GALNT13: variants seen among roughly 807,000 people sequenced by gnomAD.
GALNT13 encodes the protein UDP-GalNAc:polypeptide N-acetylgalactosaminyltransferase 13.
In GALNT13, 28 loss-of-function variants were observed where a neutral mutation model predicts 64.2. The observed-to-expected ratio is 0.44, with a 90% CI of 0.32 to 0.60. The LOEUF (loss-of-function observed/expected upper bound fraction) is 0.60, where lower values mean the gene tolerates loss of function less well. Ranked by LOEUF, GALNT13 falls within the 20% of genes least tolerant of loss-of-function variation. The pLI is 0.05. For missense variants in GALNT13, 577 were observed against 669.8 expected, an observed-to-expected ratio of 0.86 and a Z score of 1.53; for synonymous variants, 214 against 224.6, an observed-to-expected ratio of 0.95 and a Z score of 0.42.
At chr2:154,285,206 G>A (rs1458294407) in intron 8 of GALNT13, among the ~76,000 whole-genome samples, 1 of 152,100 alleles carries the variant, frequency 6.6e-6, no homozygotes, top group East Asian at 1.9e-4. Context: ...TGTTATGCAA[G>A]AGCTTTTTAG....
chr2:153,134,947 A>G, the GALNT13 span, among the ~76,000 whole-genome samples: 1 of 152,186 alleles, frequency 6.6e-6, no homozygotes, highest in Admixed American at 6.6e-5. Flanking sequence ...GAAAGATGAC[A>G]GAAAGAAGAG....
In GALNT13 at chr2:154,029,066, T is replaced by C. The variant is rs1479084213; in HGVS notation, c.142+84427T>C. 4.0e-5 allele frequency among the ~76,000 whole-genome samples: 6 copies of C among 151,792 alleles called. No individual in the cohort carries two copies. In the East Asian group the frequency reaches 1.2e-3, roughly 29 times the overall value. ...AGCCAGTTGTGCACTAGAAAGATAA[T>C]ATAGCAACCCTATTGACTGCAGATA... On this transcript the variant is annotated intron_variant, in intron 3 of 12. Transcript: ENST00000392825.
rs1374406573 is a variant in GALNT13 at position 154,187,890 on chromosome 2, A to C, written c.311+47385A>C. On this transcript the variant is annotated intron_variant, in intron 4 of 12. Coordinates refer to ENST00000392825, the MANE Select transcript of GALNT13 (RefSeq NM_052917.4). The stretch of plus-strand genomic sequence containing the variant: ...ACAGAAATGCAAACCCTACTAGTTC[A>C]TCAAAAATAGATATGTAATGAAGAT... Among the ~76,000 whole-genome samples the C allele has an allele frequency of 3.9e-5, 6 of 152,276 alleles. No individual in the cohort carries two copies. In the East Asian group the frequency reaches 9.7e-4, roughly 25 times the overall value.
At chr2:153,994,954 G>T (rs968609202) in intron 3 of GALNT13, among the ~76,000 whole-genome samples, 29 of 151,716 alleles carry the variant, frequency 1.9e-4, no homozygotes, top group African/African-American at 7.0e-4. Flanking sequence ...TTTTAGAGTT[G>T]ATCAACAATT....
At chr2:154,001,357 T>C (rs1418980164) in intron 3 of GALNT13, among the ~76,000 whole-genome samples, 1 of 152,008 alleles carries the variant, frequency 6.6e-6, no homozygotes, top group East Asian at 1.9e-4. Context: ...CTTTTTTTGA[T>C]CCTTACTATC....
the GALNT13 span, among the ~76,000 whole-genome samples, chr2:153,627,828 A>G: frequency 1.1e-3 from 163 of 152,174 alleles, no homozygotes; most frequent in African/African-American, 3.7e-3. Flanking sequence ...TGACTTGGCG[A>G]TGTGGGCTCT....
the GALNT13 span, among the ~76,000 whole-genome samples, chr2:153,492,884 T>TA: frequency 4.6e-5 from 7 of 152,164 alleles, no homozygotes; most frequent in South Asian, 6.2e-4. Flanking sequence ...TCATTTACAA[T>TA]AAAACATCTA....
At chr2:153,452,317 C>A in the GALNT13 span, among the ~76,000 whole-genome samples, 3 of 151,950 alleles carry the variant, frequency 2.0e-5, no homozygotes, top group Non-Finnish European at 4.4e-5. Flanking sequence ...CCTGTCTGTA[C>A]TAAAAATACA....
intron 3 of GALNT13, among the ~76,000 whole-genome samples, chr2:153,995,668 G>A (rs112315484): frequency 0.019 from 2,888 of 151,982 alleles, 40 homozygotes; most frequent in Non-Finnish European, 0.025. Flanking sequence ...TCATTTCTCC[G>A]TGGTGGTAAC....
intron 4 of GALNT13, among the ~76,000 whole-genome samples, chr2:154,204,400 T>C (rs1047875535): frequency 6.6e-6 from 1 of 152,210 alleles, no homozygotes; most frequent in Non-Finnish European, 1.5e-5. Flanking sequence ...GCAATAAATA[T>C]TAACTGAATA....
At chr2:153,664,420 G>A in the GALNT13 span, among the ~76,000 whole-genome samples, 17 of 152,210 alleles carry the variant, frequency 1.1e-4, no homozygotes, top group Admixed American at 7.8e-4. Flanking sequence ...CCTGAAAATC[G>A]CTGTTATCCT....
chr2:153,325,463 A>AT, the GALNT13 span, among the ~76,000 whole-genome samples: 1 of 151,964 alleles, frequency 6.6e-6, no homozygotes, highest in Non-Finnish European at 1.5e-5. Context: ...GGATTCATTG[A>AT]TTTTTTGAAA....
the GALNT13 span, among the ~76,000 whole-genome samples, chr2:153,815,739 T>C: frequency 6.6e-6 from 1 of 152,172 alleles, no homozygotes; most frequent in Admixed American, 6.5e-5. Flanking sequence ...TGGTCTCAAG[T>C]AGTCATTTGT....
chr2:153,955,735 G>A (rs1013839230), intron 3 of GALNT13, among the ~76,000 whole-genome samples: 2 of 152,180 alleles, frequency 1.3e-5, no homozygotes, highest in African/African-American at 4.8e-5. Flanking sequence ...AGAGGTGGAA[G>A]AAAACAGTTT....
At chr2:153,787,776 A>G in the GALNT13 span, among the ~76,000 whole-genome samples, 1,225 of 152,308 alleles carry the variant, frequency 8.0e-3, 15 homozygotes, top group African/African-American at 0.028. Flanking sequence ...CAAAAAACAT[A>G]CTACAAGAAT....
the GALNT13 span, among the ~76,000 whole-genome samples, chr2:153,553,111 G>A: frequency 6.6e-6 from 1 of 152,148 alleles, no homozygotes; most frequent in African/African-American, 2.4e-5. Context: ...GAGTGAACTA[G>A]AAAAATAAAC....
intron 1 of GALNT13, among the ~76,000 whole-genome samples, chr2:153,872,971 T>C (rs1309068596): frequency 6.6e-6 from 1 of 152,108 alleles, no homozygotes; most frequent in Non-Finnish European, 1.5e-5. Context: ...GTTTCCCTCT[T>C]TCTTTCTTGG....
At chr2:153,925,685 G>A (rs553627439) in intron 2 of GALNT13, among the ~76,000 whole-genome samples, 7 of 151,970 alleles carry the variant, frequency 4.6e-5, no homozygotes, top group East Asian at 1.9e-4. Context: ...CTTCCTATCC[G>A]TGAGCATGGA....
the GALNT13 span, among the ~76,000 whole-genome samples, chr2:153,272,326 A>G: frequency 3.5e-4 from 54 of 152,256 alleles, no homozygotes; most frequent in African/African-American, 1.3e-3. Flanking sequence ...TGAACAGGCA[A>G]CCTACAGAAT....
Sources: gnomAD v4.1 joint callset for allele counts (sites outside exome capture counted in the v4.1 genomes callset) on GRCh38, gnomAD v4.1.1 for gene constraint, MANE v1.5 for transcripts, NCBI Gene and HGNC (gene_info 2026-07-23, HGNC 2026-07-21) for gene names.